The following NAV2 variants were observed in gnomAD, a reference collection of about 807,000 sequenced individuals.
NAV2 encodes neuron navigator 2.
In NAV2, 54 loss-of-function variants were observed where a neutral mutation model predicts 223.2. The ratio of observed to expected loss-of-function variants is 0.24; its 90% CI spans 0.19 to 0.30. The LOEUF is 0.30. Ranked by LOEUF, NAV2 falls within the 10% of genes least tolerant of loss-of-function variation. NAV2 has a pLI of 1.00. For synonymous variants in NAV2, 1,279 were observed against 1,239.3 expected (o/e 1.03, Z -0.67); for missense variants, 2,806 against 3,147.5 (o/e 0.89, Z 2.60).
chr11:19,434,245 A>G (rs191842763), intron 1 of NAV2, among the ~76,000 whole-genome samples: 5 of 152,324 alleles, frequency 3.3e-5, no homozygotes, highest in Non-Finnish European at 5.9e-5. Flanking sequence ...AAGGCATCAG[A>G]TTTTACACAC....
intron 1 of NAV2, among the ~76,000 whole-genome samples, chr11:19,775,797 C>T (rs760958953): frequency 6.6e-6 from 1 of 152,130 alleles, no homozygotes; most frequent in Non-Finnish European, 1.5e-5. Flanking sequence ...GGGACTATCA[C>T]GTGCAAAGGT....
rs1212171208 is a variant in NAV2 at position 20,120,567 on chromosome 11, T to C, written c.*2309T>C. ...GGCAGTTTTCCAATCACCTTGTGAG[T>C]AGACACCTGCCAATATTGTTTGAAA... On this transcript the variant is annotated 3_prime_UTR_variant, in exon 38 of 38. Coordinates refer to ENST00000349880, the MANE Select transcript of NAV2 (RefSeq NM_145117.5). The C allele has an allele frequency of 6.6e-6, 1 of 152,564 alleles. No homozygotes were observed. The highest frequency in any genetic ancestry group is 1.5e-5 in the Non-Finnish European group (1 of 68,028). The allele number at this position is 152,564 out of a possible 1,614,324, so 9.5% of individuals were successfully genotyped here.
chr11:19,727,445 T>C (rs1176565086), intron 1 of NAV2, among the ~76,000 whole-genome samples: 1 of 152,152 alleles, frequency 6.6e-6, no homozygotes, highest in Non-Finnish European at 1.5e-5. Context: ...CATTCTAGCA[T>C]GTGGTTATGT....
chr11:20,102,319 A>T (rs1016077935), intron 32 of NAV2, among the ~76,000 whole-genome samples: 1 of 152,116 alleles, frequency 6.6e-6, no homozygotes, highest in African/African-American at 2.4e-5. Context: ...TGCTGGTAGG[A>T]GATGGAGAAG....
At chr11:19,456,294 C>A (rs1851956914) in intron 1 of NAV2, among the ~76,000 whole-genome samples, 2 of 152,208 alleles carry the variant, frequency 1.3e-5, no homozygotes, top group African/African-American at 4.8e-5. Flanking sequence ...TGACTGTGGG[C>A]AGGTGCCATG....
intron 1 of NAV2, among the ~76,000 whole-genome samples, chr11:19,683,104 G>T (rs992175940): frequency 6.6e-6 from 1 of 152,120 alleles, no homozygotes; most frequent in Non-Finnish European, 1.5e-5. Flanking sequence ...GATAAAATGG[G>T]GGTATTTGTA....
chr11:19,868,149 T>A (rs1301537759), intron 3 of NAV2, among the ~76,000 whole-genome samples: 1 of 152,154 alleles, frequency 6.6e-6, no homozygotes, highest in Admixed American at 6.6e-5. Context: ...TTGTGTGAAA[T>A]TCAAAGACCT....
intron 1 of NAV2, among the ~76,000 whole-genome samples, chr11:19,807,426 G>A (rs1013022361): frequency 6.6e-6 from 1 of 152,168 alleles, no homozygotes; most frequent in Non-Finnish European, 1.5e-5. Context: ...TAAAAGCTGG[G>A]CCTTTCTTTT....
At chr11:19,978,274 G>A (rs1452466547) in intron 10 of NAV2, among the ~76,000 whole-genome samples, 7 of 152,038 alleles carry the variant, frequency 4.6e-5, no homozygotes, top group East Asian at 1.9e-4. Context: ...CCAGAAACTC[G>A]ATTTGCATCC....
intron 1 of NAV2, among the ~76,000 whole-genome samples, chr11:19,794,194 T>G (rs2057738459): frequency 6.6e-6 from 1 of 152,214 alleles, no homozygotes; most frequent in South Asian, 2.1e-4. Flanking sequence ...GACAAATGAC[T>G]TGAGCAGGGT....
chr11:19,575,590 C>A (rs536947354), intron 1 of NAV2, among the ~76,000 whole-genome samples: 1 of 152,226 alleles, frequency 6.6e-6, no homozygotes, highest in African/African-American at 2.4e-5. Context: ...AGATTCTACC[C>A]CCCTATGCAA....
rs962221943 is a variant in NAV2, at chr11:20,077,117, A to G, written c.4984-435A>G. On this transcript the variant is annotated intron_variant, in intron 22 of 37. Transcript: ENST00000349880. ...ATCATCCTCCATTGTAGTAGAGAAG[A>G]CAGACATACATTACCAATTACAAGA... Among the ~76,000 whole-genome samples the G allele has an allele frequency of 6.6e-5, 10 of 152,306 alleles. No homozygotes were observed. The Middle Eastern group carries it at 0.01, about 155-fold the overall frequency.
intron 11 of NAV2, among the ~76,000 whole-genome samples, chr11:20,032,304 A>C (rs1486859118): frequency 1.3e-5 from 2 of 152,210 alleles, no homozygotes; most frequent in Non-Finnish European, 2.9e-5. Context: ...TGGCTCAGTT[A>C]CAAAGGCTTC....
intron 11 of NAV2, among the ~76,000 whole-genome samples, chr11:20,035,103 G>A (rs1044514265): frequency 2.6e-5 from 4 of 152,000 alleles, no homozygotes; most frequent in Non-Finnish European, 4.4e-5. Flanking sequence ...TGCTGCGGGC[G>A]GATGGACCAT....
chr11:20,003,293 A>G (rs1232262169), intron 11 of NAV2, among the ~76,000 whole-genome samples: 3 of 152,202 alleles, frequency 2.0e-5, no homozygotes, highest in Non-Finnish European at 4.4e-5. Context: ...TTCGGATGAC[A>G]TCTGTATTGA....
chr11:19,878,852 G>A (rs2063021846), intron 4 of NAV2, among the ~76,000 whole-genome samples: 1 of 152,146 alleles, frequency 6.6e-6, no homozygotes, highest in African/African-American at 2.4e-5. Context: ...TCCCAGCCCG[G>A]GGCTAACCTG....
chr11:19,745,728 T>A (rs2053278931), intron 1 of NAV2, among the ~76,000 whole-genome samples: 2 of 152,194 alleles, frequency 1.3e-5, no homozygotes, highest in Non-Finnish European at 2.9e-5. Flanking sequence ...GTGTGCAACC[T>A]AGATCCCTCG....
intron 11 of NAV2, among the ~76,000 whole-genome samples, chr11:20,001,179 C>A (rs1447284199): frequency 6.6e-6 from 1 of 152,098 alleles, no homozygotes; most frequent in Non-Finnish European, 1.5e-5. Flanking sequence ...CCTGGGATGC[C>A]CTCTCCTGAC....
intron 1 of NAV2, among the ~76,000 whole-genome samples, chr11:19,605,908 C>T (rs917503814): frequency 2.6e-5 from 4 of 152,006 alleles, no homozygotes; most frequent in African/African-American, 9.7e-5. Context: ...CGCTGCTCAT[C>T]GATGAGGAGA....
Sources: gnomAD v4.1 joint callset for allele counts (sites outside exome capture counted in the v4.1 genomes callset) on GRCh38, gnomAD v4.1.1 for gene constraint, MANE v1.5 for transcripts, NCBI Gene and HGNC (gene_info 2026-07-23, HGNC 2026-07-21) for gene names.